TRAPPC9: variants seen among roughly 807,000 people sequenced by gnomAD.
TRAPPC9 encodes the protein IKK2 binding protein.
In TRAPPC9, 83 loss-of-function variants were observed where a neutral mutation model predicts 124.0. The ratio of observed to expected loss-of-function variants is 0.67; its 90% CI spans 0.56 to 0.80. TRAPPC9 has a LOEUF of 0.80. TRAPPC9 is among the 30% of genes least tolerant of loss of function. The pLI is 0.00. For synonymous variants in TRAPPC9, 638 were observed against 617.5 expected (o/e 1.03, Z -0.49); for missense variants, 1,302 against 1,508.3 (o/e 0.86, Z 2.27).
intron 9 of TRAPPC9, among the ~76,000 whole-genome samples, chr8:140,358,739 G>T (rs74836722): frequency 0.036 from 5,476 of 152,288 alleles, 206 homozygotes; most frequent in African/African-American, 0.098. Flanking sequence ...CAGCAGTGAC[G>T]GCACAGCACT....
rs913781853 is a variant in TRAPPC9, at chr8:139,728,593, C to T, written c.*2468G>A. Among the ~76,000 whole-genome samples the T allele has an allele frequency of 6.6e-6, 1 of 152,192 alleles. No homozygotes were observed. The highest frequency in any genetic ancestry group is 2.4e-5 in the African/African-American group (1 of 41,454). On this transcript the variant is annotated 3_prime_UTR_variant, in exon 23 of 23. Transcript: ENST00000438773. ...CACAGAAATGCCAGCAAACAACACCCCTGGCTCCCCACATCCCACGGTAAA... is the reference window on the plus strand; with the variant it reads ...CACAGAAATGCCAGCAAACAACACCTCTGGCTCCCCACATCCCACGGTAAA...
At chr8:139,953,288 T>A (rs1834767237) in intron 19 of TRAPPC9, among the ~76,000 whole-genome samples, 1 of 151,858 alleles carries the variant, frequency 6.6e-6, no homozygotes, top group South Asian at 2.1e-4. Context: ...GGTCAAGGAG[T>A]TGAAGACCAG....
At chr8:139,732,746 G>A (rs966258826) in intron 21 of TRAPPC9, among the ~76,000 whole-genome samples, 10 of 152,226 alleles carry the variant, frequency 6.6e-5, no homozygotes, top group South Asian at 2.1e-4. Context: ...TGGCTGCACT[G>A]TGTTTTCTTC....
chr8:140,411,446 A>T (rs2069703157), intron 5 of TRAPPC9, among the ~76,000 whole-genome samples: 1 of 152,150 alleles, frequency 6.6e-6, no homozygotes, highest in East Asian at 1.9e-4. Flanking sequence ...GGTTCCAGCG[A>T]TTCTCCTGCC....
At chr8:140,259,125 C>T (rs148672201) in intron 15 of TRAPPC9, among the ~76,000 whole-genome samples, 164 of 152,354 alleles carry the variant, frequency 1.1e-3, no homozygotes, top group African/African-American at 3.7e-3. Flanking sequence ...TCCCCTCTCA[C>T]GGCTGCTCTC....
At position 140,216,347 on chromosome 8, in the gene TRAPPC9, C is replaced by A. The variant is rs2063193804; in HGVS notation, c.2556+5112G>T. Among the ~76,000 whole-genome samples the A allele has an allele frequency of 6.6e-6, 1 of 152,174 alleles. No homozygotes were observed. Among genetic ancestry groups the A allele is most frequent in the South Asian group, 2.1e-4 (1 of 4,820 alleles). Reference sequence around the variant, plus strand: ...ATTCCAAAGAAAAACAGCACATTCACCCTTGCAACACTCAATTGAAGAAAA... The same window carrying A: ...ATTCCAAAGAAAAACAGCACATTCAACCTTGCAACACTCAATTGAAGAAAA... On this transcript the variant is annotated intron_variant, in intron 17 of 22. Coordinates refer to ENST00000438773, the MANE Select transcript of TRAPPC9 (RefSeq NM_001160372.4). The surrounding 1 kb of genome is among the most constrained non-coding windows in gnomAD (Gnocchi z 4.1).
At chr8:140,274,755 A>T (rs2065061217) in intron 15 of TRAPPC9, among the ~76,000 whole-genome samples, 1 of 152,190 alleles carries the variant, frequency 6.6e-6, no homozygotes, top group South Asian at 2.1e-4. Context: ...TTGTCGCATT[A>T]TAATGTCATT....
At chr8:140,457,774 T>G, upstream of TRAPPC9, 2 of 1,002,280 alleles carry the variant, frequency 2.0e-6, no homozygotes, top group Non-Finnish European at 2.4e-6. Flanking sequence ...CTCCTGCGCG[T>G]GCGCGGAGGC....
intron 20 of TRAPPC9, among the ~76,000 whole-genome samples, chr8:139,900,827 T>C (rs1204153255): frequency 1.3e-5 from 2 of 152,148 alleles, no homozygotes; most frequent in Non-Finnish European, 2.9e-5. Flanking sequence ...TTTATGTGAC[T>C]GAAGTCTACC....
chr8:140,423,940 A>G (rs544850755), intron 5 of TRAPPC9, among the ~76,000 whole-genome samples: 1 of 152,294 alleles, frequency 6.6e-6, no homozygotes, highest in East Asian at 1.9e-4. Flanking sequence ...ATAGAGAAAG[A>G]AAATAGCTTA....
At chr8:140,288,983 T>G (rs372039301) in intron 12 of TRAPPC9, among the ~76,000 whole-genome samples, 2 of 152,240 alleles carry the variant, frequency 1.3e-5, no homozygotes, top group African/African-American at 4.8e-5. Context: ...TGTGCTGATG[T>G]TGGGAGCCCG....
chr8:139,784,608 C>CATACATATATATATATATAT (rs1554643612), intron 21 of TRAPPC9, among the ~76,000 whole-genome samples: 6 of 88,654 alleles, frequency 6.8e-5, no homozygotes, highest in African/African-American at 2.0e-4. Context: ...AAAAGACTGA[C>CATACATATATATATATATAT]ATATATATAT....
chr8:140,342,796 A>G (rs2067231271), intron 9 of TRAPPC9, among the ~76,000 whole-genome samples: 1 of 152,230 alleles, frequency 6.6e-6, no homozygotes, highest in Non-Finnish European at 1.5e-5. Context: ...TTGGCAATAC[A>G]AAAAATCATG....
At chr8:139,775,032 G>C (rs1453229300) in intron 21 of TRAPPC9, among the ~76,000 whole-genome samples, 1 of 152,200 alleles carries the variant, frequency 6.6e-6, no homozygotes, top group Admixed American at 6.5e-5. Flanking sequence ...GGGGTCCAAA[G>C]GGGCTCTGGT....
intron 16 of TRAPPC9, among the ~76,000 whole-genome samples, chr8:140,243,084 A>T (rs1189872308): frequency 2.0e-5 from 3 of 152,198 alleles, no homozygotes; most frequent in African/African-American, 7.2e-5. Context: ...GGTCAGAAAC[A>T]CAGATCGCAG....
chr8:140,284,751 A>G (rs1170164771), intron 13 of TRAPPC9, among the ~76,000 whole-genome samples: 3 of 152,212 alleles, frequency 2.0e-5, no homozygotes, highest in Non-Finnish European at 4.4e-5. Flanking sequence ...CTAAAAGGAG[A>G]GGCAGGCACT....
intron 16 of TRAPPC9, among the ~76,000 whole-genome samples, chr8:140,236,248 A>G (rs772326150): frequency 2.6e-4 from 40 of 152,136 alleles, no homozygotes; most frequent in Non-Finnish European, 5.0e-4. Flanking sequence ...ATGCCCAGCT[A>G]ATTTTTATAT....
At chr8:140,438,555 G>T (rs2070898283) in intron 3 of TRAPPC9, among the ~76,000 whole-genome samples, 2 of 152,156 alleles carry the variant, frequency 1.3e-5, no homozygotes, top group South Asian at 4.1e-4. Context: ...ATGGCAGGGT[G>T]GGAGGAGGGC....
At chr8:140,340,332 A>G (rs2067160262) in intron 9 of TRAPPC9, among the ~76,000 whole-genome samples, 2 of 152,252 alleles carry the variant, frequency 1.3e-5, no homozygotes, top group Non-Finnish European at 2.9e-5. Context: ...AAAACTTTCA[A>G]TAATACCCAC....
Sources: gnomAD v4.1 joint callset for allele counts (sites outside exome capture counted in the v4.1 genomes callset) on GRCh38, gnomAD v4.1.1 for gene constraint, Gnocchi (gnomAD v3.1) non-coding constraint, MANE v1.5 for transcripts, NCBI Gene and HGNC (gene_info 2026-07-23, HGNC 2026-07-21) for gene names.